The following DST variants were observed in gnomAD, a reference collection of about 807,000 sequenced individuals.
DST encodes bullous pemphigoid antigen.
A neutral mutation model predicts 875.2 loss-of-function variants in DST; 253 were observed. That is an observed-to-expected ratio of 0.29 (90% CI 0.26 to 0.32). The LOEUF (loss-of-function observed/expected upper bound fraction) is 0.32, where lower values mean the gene tolerates loss of function less well. Among genes scored for constraint, DST ranks in the 10% least tolerant of loss-of-function variants. The pLI is 1.00. For missense variants in DST, 8,287 were observed against 9,111.6 expected, an observed-to-expected ratio of 0.91 and a Z score of 3.68; for synonymous variants, 3,124 against 3,197.1, an observed-to-expected ratio of 0.98 and a Z score of 0.77.
chr6:56,482,209 C>A, intron 89 of DST, 31 bp from the exon 90 acceptor site: 1 of 1,569,572 alleles, frequency 6.4e-7, no homozygotes, highest in Non-Finnish European at 8.7e-7. Flanking sequence ...ACACCCCAAA[C>A]AAAATTCCCA....
chr6:56,572,984 T>C lies in DST; in HGVS notation c.13317A>G (p.Thr4439=). ...NEKVKKFMET[T]DPSTASSLQA... is the part of the protein sequence containing the mutation. ...GCAGTGAGGATGCAGTGGATGGATCTGTTGTTTCCATAAATTTCTTCACTT... is the reference window on the plus strand; with the variant it reads ...GCAGTGAGGATGCAGTGGATGGATCCGTTGTTTCCATAAATTTCTTCACTT... Residue 4439 remains threonine (T), a synonymous_variant, in exon 52 of 104, where the codon ACA becomes ACG. Transcript: ENST00000680361. 1 of 1,609,504 alleles carries C rather than the reference T, an allele frequency of 6.2e-7. No individual in the cohort carries two copies. The highest frequency in any genetic ancestry group is 1.3e-5 in the African/African-American group (1 of 74,902).
At position 56,605,581 on chromosome 6, in the gene DST, A is replaced by G; in HGVS notation, c.9047T>C (p.Leu3016Ser). Residue 3016 changes from leucine (L) to serine (S), a missense_variant, in exon 40 of 104, where the codon TTG becomes TCG. This residue lies in a region of DST where 3,138 missense variants were observed against 3,116.6 expected (regional missense o/e 1.01). Transcript: ENST00000680361. ...GKPAEESHLSLIASVTDKDPQ... is the reference protein window; with the variant it reads ...GKPAEESHLSSIASVTDKDPQ... ...ATCTTTGTCAGTTACAGAGGCTATC[A>G]ATGACAAATGGCTTTCCTCAGCAGG... is the stretch of plus-strand genomic sequence containing the variant. 1 of 1,613,146 alleles carries G rather than the reference A, an allele frequency of 6.2e-7. No individual in the cohort carries two copies.
In DST at chr6:56,500,909, C is replaced by T. The variant is rs555594558; in HGVS notation, c.19896+171G>A. On this transcript the variant is annotated intron_variant, in intron 80 of 103. Coordinates refer to ENST00000680361, the MANE Select transcript of DST (RefSeq NM_001374736.1). ...TTTGACCATAATCTTTTAAGAAAAA[C>T]ATTTTGACTATAATGTTTTAAGTAG... is the stretch of plus-strand genomic sequence containing the variant. Among the ~76,000 whole-genome samples the T allele has an allele frequency of 3.3e-5, 5 of 152,214 alleles. No individual in the cohort carries two copies. In the East Asian group the frequency reaches 7.7e-4, roughly 23 times the overall value.
intron 4 of DST, among the ~76,000 whole-genome samples, chr6:56,792,681 AT>A (rs1315552548): frequency 6.6e-6 from 1 of 152,232 alleles, no homozygotes; most frequent in Non-Finnish European, 1.5e-5. Flanking sequence ...AGTAAACACT[AT>A]CACTGCTGTA....
intron 3 of DST, among the ~76,000 whole-genome samples, chr6:56,854,306 T>G (rs1265001312): frequency 6.6e-6 from 1 of 152,058 alleles, no homozygotes; most frequent in African/African-American, 2.4e-5. Context: ...ACCTTTGATG[T>G]GGGGCTTAGA....
chr6:56,565,387 G>A (rs1280975741), intron 55 of DST, among the ~76,000 whole-genome samples: 1 of 152,054 alleles, frequency 6.6e-6, no homozygotes, highest in Non-Finnish European at 1.5e-5. Flanking sequence ...CAAAAGTGCT[G>A]GGATTACAGG....
chr6:56,610,771 GA>G (rs2098537884), intron 38 of DST, among the ~76,000 whole-genome samples: 1 of 152,160 alleles, frequency 6.6e-6, no homozygotes, highest in Non-Finnish European at 1.5e-5. Flanking sequence ...AGGACTGAAG[GA>G]AAGGGTGTAA....
At chr6:56,817,220 TG>T (rs1561990106) in intron 4 of DST, among the ~76,000 whole-genome samples, 2 of 152,206 alleles carry the variant, frequency 1.3e-5, no homozygotes, top group Non-Finnish European at 2.9e-5. Context: ...CCCTTTCTAG[TG>T]TCTCTTCAGG....
chr6:56,633,793 C>T (rs549833516), intron 27 of DST, among the ~76,000 whole-genome samples: 25 of 152,318 alleles, frequency 1.6e-4, no homozygotes, highest in Non-Finnish European at 2.9e-4. Context: ...TGAGCCACCG[C>T]GCCCAGCCAA....
intron 83 of DST, 24 bp downstream of exon 83, chr6:56,493,986 T>A: frequency 6.6e-7 from 1 of 1,514,468 alleles, no homozygotes; most frequent in Non-Finnish European, 8.9e-7. Flanking sequence ...ACACTGATTC[T>A]ATTATATTAA....
intron 4 of DST, among the ~76,000 whole-genome samples, chr6:56,820,822 A>G (rs1237214081): frequency 6.6e-6 from 1 of 152,168 alleles, no homozygotes; most frequent in African/African-American, 2.4e-5. Context: ...AAAGGATGAC[A>G]AATCTAAATG....
At chr6:56,727,994 T>C (rs76412769) in intron 5 of DST, among the ~76,000 whole-genome samples, 2,011 of 152,264 alleles carry the variant, frequency 0.013, 40 homozygotes, top group African/African-American at 0.046. Flanking sequence ...ATGTATGTAA[T>C]GTATCTAGTG....
intron 4 of DST, among the ~76,000 whole-genome samples, chr6:56,737,515 C>A (rs1307932567): frequency 6.6e-6 from 1 of 152,172 alleles, no homozygotes; most frequent in Non-Finnish European, 1.5e-5. Flanking sequence ...TTGCACTAGT[C>A]ACAATTTAAG....
chr6:56,772,843 T>G (rs891264447), intron 4 of DST, among the ~76,000 whole-genome samples: 8 of 152,206 alleles, frequency 5.3e-5, no homozygotes, highest in African/African-American at 1.9e-4. Flanking sequence ...CCTCTCACAG[T>G]GCACTAGGGT....
In DST at chr6:56,527,597, C is replaced by T. The variant is rs781309362; in HGVS notation, c.17818G>A (p.Glu5940Lys). 6.8e-6 allele frequency: 11 copies of T among 1,613,706 alleles called. No individual in the cohort carries two copies. Among genetic ancestry groups the T allele is most frequent in the East Asian group, 2.2e-5 (1 of 44,892 alleles). Residue 5940 changes from glutamate to lysine, a missense_variant, in exon 68 of 104, where the codon GAA becomes AAA. Coordinates refer to ENST00000680361, the MANE Select transcript of DST (RefSeq NM_001374736.1). ...TTGTCCAGCCAGGTACACAGCTCTT[C>T]GTGTGTGGAGTGCAGCCGCCTTGCA... Reference protein sequence around the residue: ...QLARRLHSTHEELCTWLDKVE... With the variant: ...QLARRLHSTHKELCTWLDKVE...
At position 56,536,813 on chromosome 6, in the gene DST, T is replaced by C. The variant is rs1360980279; in HGVS notation, c.16736A>G (p.Asp5579Gly). Residue 5579 changes from aspartate (D) to glycine (G), a missense_variant, in exon 62 of 104, where the codon GAT becomes GGT. Asp to Gly is a moderately conservative substitution (Grantham distance 94). Around this residue, in one of 10 missense-constraint regions of DST, gnomAD observed 777 missense variants for 764.8 expected, o/e 1.02. Transcript: ENST00000680361. ...GAGAGTCTTCCACCGTGCATTGACA[T>C]CATCCAGGTCATGCTCCAAGCCCTG... ...STQGLEHDLD[D>G]VNARWKTLNK... 11 of 1,599,174 alleles carry C rather than the reference T, an allele frequency of 6.9e-6. No individual in the cohort carries two copies. Among genetic ancestry groups the C allele is most frequent in the Non-Finnish European group, 9.4e-6 (11 of 1,172,858 alleles).
chr6:56,468,201 A>G (rs115455754), intron 98 of DST, among the ~76,000 whole-genome samples: 1,725 of 152,284 alleles, frequency 0.011, 31 homozygotes, highest in African/African-American at 0.04. Flanking sequence ...GAACATGTTT[A>G]AATCAAAACA....
At chr6:56,764,698 C>T (rs1033336735) in intron 4 of DST, among the ~76,000 whole-genome samples, 4 of 152,110 alleles carry the variant, frequency 2.6e-5, no homozygotes, top group Non-Finnish European at 5.9e-5. Flanking sequence ...TGGCTCATGC[C>T]TGTAATCCCA....
chr6:56,636,842 G>A (rs1395267186), intron 22 of DST, among the ~76,000 whole-genome samples, 190 bp from the exon 23 acceptor site: 1 of 152,212 alleles, frequency 6.6e-6, no homozygotes, highest in Non-Finnish European at 1.5e-5. Context: ...AACACTTTGG[G>A]AGGCCAAGGC....
Sources: gnomAD v4.1 joint callset for allele counts (sites outside exome capture counted in the v4.1 genomes callset) on GRCh38, gnomAD v4.1.1 for gene constraint, gnomAD v4.1.1 regional missense constraint, MANE v1.5 for transcripts, NCBI Gene and HGNC (gene_info 2026-07-23, HGNC 2026-07-21) for gene names.